Variants in PGAP1 observed in about 807,000 individuals in gnomAD.
The protein encoded by PGAP1 is post-GPI attachment to proteins inositol deacylase 1.
PGAP1 carries 76 observed loss-of-function variants against 127.0 expected under a neutral mutation model. The ratio of observed to expected loss-of-function variants is 0.60; its 90% CI spans 0.50 to 0.72. The LOEUF (loss-of-function observed/expected upper bound fraction) is 0.72, where lower values mean the gene tolerates loss of function less well. Among genes scored for constraint, PGAP1 ranks in the 30% least tolerant of loss-of-function variants. The pLI is 0.00. For synonymous variants in PGAP1, 362 were observed against 366.5 expected, an observed-to-expected ratio of 0.99 and a Z score of 0.14; for missense variants, 982 against 1,071.3, an observed-to-expected ratio of 0.92 and a Z score of 1.16.
chr2:196,842,554 A>G (rs1418941408), intron 26 of PGAP1, among the ~76,000 whole-genome samples, 167 bp downstream of exon 26: 1 of 152,146 alleles, frequency 6.6e-6, no homozygotes, highest in African/African-American at 2.4e-5. Flanking sequence ...TATCAAATAA[A>G]ACCTATAATT....
intron 9 of PGAP1, among the ~76,000 whole-genome samples, chr2:196,892,111 C>T (rs1168233198): frequency 1.3e-5 from 2 of 151,786 alleles, no homozygotes; most frequent in Non-Finnish European, 2.9e-5. Flanking sequence ...TCAATAACAA[C>T]GTATAGGCCT....
At position 196,862,324 on chromosome 2, in the gene PGAP1, G is replaced by A. The variant is rs760509844; in HGVS notation, c.1861+2663C>T. Among the ~76,000 whole-genome samples, 11 of 151,828 alleles carry A rather than the reference G, an allele frequency of 7.2e-5. No individual in the cohort carries two copies. The East Asian group carries it at 1.5e-3, about 21-fold the overall frequency. On this transcript the variant is annotated intron_variant, in intron 20 of 26. Coordinates refer to ENST00000354764, the MANE Select transcript of PGAP1 (RefSeq NM_024989.4). The stretch of plus-strand genomic sequence containing the variant: ...GGCTTATTAGGAAGAGGAAATTCCC[G>A]CCTAATAAATTTTGATCAGACCAGT...
At position 196,890,965 on chromosome 2, in the gene PGAP1, T is replaced by C. The variant is rs531634555; in HGVS notation, c.1090-54A>G. ...AGCTGTAATGAGCAGATTAGTTTCA[T>C]CATTCAAAAATCCAGATATAGCAAA... On this transcript the variant is annotated intron_variant, in intron 9 of 26. Transcript: ENST00000354764. 8 of 918,150 alleles carry C rather than the reference T, an allele frequency of 8.7e-6. No individual in the cohort carries two copies. The South Asian group carries it at 9.9e-5, about 11-fold the overall frequency. 56.9% of individuals were successfully genotyped at this position (918,150 alleles called of 1,614,324 possible). A position where few individuals can be genotyped will look rare whatever the true frequency, so the allele number is the denominator to read the frequency against.
intron 14 of PGAP1, among the ~76,000 whole-genome samples, chr2:196,875,007 C>A (rs1701521328): frequency 6.6e-6 from 1 of 152,134 alleles, no homozygotes; most frequent in Non-Finnish European, 1.5e-5. Context: ...CAGAGTGAGA[C>A]CCTGTTCCCC....
intron 1 of PGAP1, among the ~76,000 whole-genome samples, chr2:196,924,102 A>T (rs1444159781): frequency 6.6e-6 from 1 of 152,236 alleles, no homozygotes; most frequent in Admixed American, 6.5e-5. Flanking sequence ...GAGATAATCA[A>T]ACAATTTTAA....
chr2:196,889,014 T>C (rs935831892), intron 10 of PGAP1, among the ~76,000 whole-genome samples: 30 of 152,312 alleles, frequency 2.0e-4, no homozygotes, highest in African/African-American at 9.6e-5. Context: ...TGCCTTTATA[T>C]AAGCTTGAAA....
At chr2:196,876,324 A>T (rs950571900) in intron 13 of PGAP1, among the ~76,000 whole-genome samples, 1 of 152,120 alleles carries the variant, frequency 6.6e-6, no homozygotes, top group Non-Finnish European at 1.5e-5. Context: ...ATTCATTGAC[A>T]CATGGCTAAT....
chr2:196,899,421 T>TATATTTAGAAATTACTGCTGATA (rs1702400825), intron 5 of PGAP1, among the ~76,000 whole-genome samples: 1 of 152,248 alleles, frequency 6.6e-6, no homozygotes, highest in Non-Finnish European at 1.5e-5. Context: ...AAGTACTTGA[T>TATATTTAGAAATTACTGCTGATA]ATATTTAGAA....
At chr2:196,901,883 T>A (rs554820296) in intron 5 of PGAP1, among the ~76,000 whole-genome samples, 88 of 152,334 alleles carry the variant, frequency 5.8e-4, no homozygotes, top group Non-Finnish European at 1.0e-3. Context: ...TATAACTGGA[T>A]TCCCCTGGAT....
chr2:196,914,390 G>A (rs1445554036), intron 3 of PGAP1, among the ~76,000 whole-genome samples: 1 of 152,162 alleles, frequency 6.6e-6, no homozygotes, highest in Admixed American at 6.5e-5. Flanking sequence ...GGAGGCCAAG[G>A]TAGGTGGATC....
At chr2:196,912,286 T>A (rs1216573168) in intron 4 of PGAP1, among the ~76,000 whole-genome samples, 2 of 152,092 alleles carry the variant, frequency 1.3e-5, no homozygotes, top group African/African-American at 4.8e-5. Flanking sequence ...CTAAAACAGT[T>A]AACAAAGCAT....
chr2:196,918,460 A>G (rs1703083985), intron 2 of PGAP1, among the ~76,000 whole-genome samples: 4 of 152,184 alleles, frequency 2.6e-5, no homozygotes, highest in Admixed American at 1.3e-4. Flanking sequence ...TGGACAAACC[A>G]TGGTATAGTC....
chr2:196,875,766 A>G lies in PGAP1; in HGVS notation c.1406T>C (p.Val469Ala), dbSNP rs775283107. ...CTTACCAAAGGAAAAAAGATGAGTT[A>G]CAGGAAGCTGTATGTATCTTTTCTC... ...KKEKRYIQLPVTHLFSFGLSS... is the reference protein window; with the variant it reads ...KKEKRYIQLPATHLFSFGLSS... Residue 469 changes from valine (V) to alanine (A), a missense_variant, in exon 14 of 27, where the codon GTA becomes GCA. By Grantham distance (64) the Val-to-Ala change is moderately conservative (BLOSUM62 0). Transcript: ENST00000354764. 1 of 1,542,130 alleles carries G rather than the reference A, an allele frequency of 6.5e-7. No homozygotes were observed. Among genetic ancestry groups the G allele is most frequent in the Non-Finnish European group, 8.9e-7 (1 of 1,118,928 alleles).
chr2:196,923,964 C>T (rs970599222), intron 1 of PGAP1, among the ~76,000 whole-genome samples: 4 of 152,108 alleles, frequency 2.6e-5, no homozygotes, highest in African/African-American at 7.2e-5. Context: ...GCCTTGCTGT[C>T]GTAATAGGGC....
Position 196,845,968 on chromosome 2 carries a change from A to G in PGAP1, c.2200T>C (p.Phe734Leu). 6.2e-7 allele frequency: 1 copy of G among 1,607,340 alleles called. No homozygotes were observed. Among genetic ancestry groups the G allele is most frequent in the South Asian group, 1.1e-5 (1 of 90,000 alleles). ...DIKMISPDLP[F>L]LTIVLIIVSW... Reference sequence around the variant, plus strand: ...ACTATGATCAAGACAATTGTCAAAAAGGGCAAGTCTGGTGATATCATCTTG... The same window carrying G: ...ACTATGATCAAGACAATTGTCAAAAGGGGCAAGTCTGGTGATATCATCTTG... The change falls in exon 23 of 27, where the codon TTT becomes CTT. Residue 734 changes from phenylalanine (F) to leucine (L), a missense_variant. Phe to Leu is a conservative substitution (Grantham distance 22). Coordinates refer to ENST00000354764, the MANE Select transcript of PGAP1 (RefSeq NM_024989.4).
chr2:196,845,988 A>G lies in PGAP1; in HGVS notation c.2180T>C (p.Met727Thr), dbSNP rs778497679. The G allele has an allele frequency of 1.3e-6, 2 of 1,598,906 alleles. No individual in the cohort carries two copies. The highest frequency in any genetic ancestry group is 3.3e-5 in the Admixed American group (2 of 59,784). Residue 727 changes from methionine to threonine, a missense_variant, in exon 23 of 27, where the codon ATG (methionine) becomes ACG (threonine). Transcript: ENST00000354764. ...CAAAAAGGGCAAGTCTGGTGATATC[A>G]TCTTGATATCTTTAGGAAGTTCAGA... ...RPSELPKDIK[M>T]ISPDLPFLTI...
intron 14 of PGAP1, among the ~76,000 whole-genome samples, chr2:196,875,067 C>G (rs553445315): frequency 6.6e-6 from 1 of 151,960 alleles, no homozygotes; most frequent in Non-Finnish European, 1.5e-5. Context: ...GAACATTGCA[C>G]AAAATAATTG....
chr2:196,848,442 G>C (rs1039648788), intron 20 of PGAP1, among the ~76,000 whole-genome samples: 4 of 152,056 alleles, frequency 2.6e-5, no homozygotes, highest in Admixed American at 6.5e-5. Context: ...ACCCACAAAA[G>C]AAAGTTTTCT....
chr2:196,847,579 G>A (rs935139211), intron 21 of PGAP1: 10 of 196,142 alleles, frequency 5.1e-5, no homozygotes, highest in Admixed American at 1.7e-4. Context: ...GTTAACTAGG[G>A]TAGAGAGGTC....
Sources: allele counts gnomAD v4.1 joint callset (sites outside exome capture counted in the v4.1 genomes callset), GRCh38; gene constraint gnomAD v4.1.1; transcripts MANE v1.5; gene names NCBI Gene and HGNC (gene_info 2026-07-23, HGNC 2026-07-21).